EXOC6B: variants seen among roughly 807,000 people sequenced by gnomAD.
The protein encoded by EXOC6B is SEC15 homolog B.
A neutral mutation model predicts 113.5 loss-of-function variants in EXOC6B; 54 were observed. That is an observed-to-expected ratio of 0.48 (90% CI 0.38 to 0.60). The LOEUF (loss-of-function observed/expected upper bound fraction) is 0.60. Among genes scored for constraint, EXOC6B ranks in the 20% least tolerant of loss-of-function variants. The pLI is 0.00. For synonymous variants in EXOC6B, 357 were observed against 339.0 expected, an observed-to-expected ratio of 1.05 and a Z score of -0.58; for missense variants, 797 against 977.5, an observed-to-expected ratio of 0.82 and a Z score of 2.46.
At chr2:72,525,012 T>G (rs940264835) in intron 8 of EXOC6B, among the ~76,000 whole-genome samples, 1 of 152,184 alleles carries the variant, frequency 6.6e-6, no homozygotes, top group Non-Finnish European at 1.5e-5. Flanking sequence ...TTTTTAAGGT[T>G]CCCTTATAAC....
chr2:72,353,344 A>G (rs2104950738), intron 19 of EXOC6B, among the ~76,000 whole-genome samples: 1 of 151,646 alleles, frequency 6.6e-6, no homozygotes, highest in African/African-American at 2.4e-5. Context: ...AAAACTTTAT[A>G]TTTTGTTGTA....
At chr2:72,748,977 T>C (rs991076742) in intron 1 of EXOC6B, among the ~76,000 whole-genome samples, 2 of 152,090 alleles carry the variant, frequency 1.3e-5, no homozygotes, top group African/African-American at 4.8e-5. Flanking sequence ...GTCACACTAT[T>C]AGAACAAGTA....
intron 20 of EXOC6B, among the ~76,000 whole-genome samples, chr2:72,212,143 A>G (rs1402541697): frequency 6.6e-6 from 1 of 152,194 alleles, no homozygotes; most frequent in Non-Finnish European, 1.5e-5. Context: ...GGTCTGCCCT[A>G]GGCCTAGTTG....
chr2:72,432,946 G>C (rs187326471), intron 18 of EXOC6B, among the ~76,000 whole-genome samples: 1 of 152,208 alleles, frequency 6.6e-6, no homozygotes, highest in African/African-American at 2.4e-5. Flanking sequence ...GGCTTTCGTT[G>C]CAATTGCTTT....
intron 6 of EXOC6B, among the ~76,000 whole-genome samples, chr2:72,584,434 C>T (rs889218617): frequency 1.3e-5 from 2 of 152,116 alleles, no homozygotes; most frequent in East Asian, 3.8e-4. Context: ...TATATAATGA[C>T]GAAAAGTTCA....
chr2:72,558,253 A>T (rs1273400359), intron 8 of EXOC6B, among the ~76,000 whole-genome samples: 3 of 152,096 alleles, frequency 2.0e-5, no homozygotes, highest in African/African-American at 7.2e-5. Context: ...ACAGCAAGGA[A>T]TTGTAGATTG....
chr2:72,364,691 A>T (rs1371570184), intron 19 of EXOC6B, among the ~76,000 whole-genome samples: 2 of 151,890 alleles, frequency 1.3e-5, no homozygotes, highest in Non-Finnish European at 2.9e-5. Context: ...TATTATTCTT[A>T]CTCTTCAGTG....
chr2:72,273,950 G>A (rs1684661897), intron 20 of EXOC6B, among the ~76,000 whole-genome samples: 1 of 152,124 alleles, frequency 6.6e-6, no homozygotes, highest in Non-Finnish European at 1.5e-5. Flanking sequence ...TGATGTTAAT[G>A]TGGATATCTA....
At chr2:72,759,386 G>A (rs1682615075) in intron 1 of EXOC6B, among the ~76,000 whole-genome samples, 2 of 152,262 alleles carry the variant, frequency 1.3e-5, no homozygotes, top group South Asian at 4.1e-4. Context: ...AGTTTTGACA[G>A]TCATATCATG....
intron 6 of EXOC6B, among the ~76,000 whole-genome samples, chr2:72,609,427 A>G (rs1670934655): frequency 6.6e-6 from 1 of 152,020 alleles, no homozygotes; most frequent in African/African-American, 2.4e-5. Flanking sequence ...AGTACTGAAA[A>G]ACGTAATATC....
At chr2:72,499,265 C>T (rs1700200179) in intron 12 of EXOC6B, among the ~76,000 whole-genome samples, 1 of 150,562 alleles carries the variant, frequency 6.6e-6, no homozygotes, top group Non-Finnish European at 1.5e-5. Context: ...GAGTTTCACC[C>T]TGTCGCCCAG....
chr2:72,766,996 G>A (rs981975956), intron 1 of EXOC6B, among the ~76,000 whole-genome samples: 3 of 147,840 alleles, frequency 2.0e-5, no homozygotes, highest in African/African-American at 7.5e-5. Context: ...CCACATTGAA[G>A]CCCAAAGAGA....
At chr2:72,706,481 C>G (rs1282220629) in intron 6 of EXOC6B, among the ~76,000 whole-genome samples, 1 of 152,216 alleles carries the variant, frequency 6.6e-6, no homozygotes, top group Non-Finnish European at 1.5e-5. Flanking sequence ...AAGCGATCCT[C>G]CTGCCTCAGC....
intron 1 of EXOC6B, among the ~76,000 whole-genome samples, chr2:72,811,281 A>G (rs1191766795): frequency 6.6e-6 from 1 of 152,226 alleles, no homozygotes; most frequent in East Asian, 1.9e-4. Context: ...ACTGCACTCC[A>G]GCTGGGTGAC....
intron 17 of EXOC6B, among the ~76,000 whole-genome samples, chr2:72,476,219 G>C (rs1698730020): frequency 6.6e-6 from 1 of 152,196 alleles, no homozygotes; most frequent in African/African-American, 2.4e-5. Flanking sequence ...GGAAACCACT[G>C]AAAGTTTCTA....
At chr2:72,493,868 G>A (rs534086254) in intron 15 of EXOC6B, among the ~76,000 whole-genome samples, 18 of 152,058 alleles carry the variant, frequency 1.2e-4, no homozygotes, top group South Asian at 8.3e-4. Flanking sequence ...TGAATGCAGC[G>A]GTTTCTCTTG....
rs185978511 is a variant in EXOC6B, at chr2:72,454,947, A to G, written c.1980+10213T>C. ...ATGTTTTTTTATTTCAATGTACTCT[A>G]TGTAGCTCAAATAACGTAACTGTTA... On this transcript the variant is annotated intron_variant, in intron 18 of 21. Transcript: ENST00000272427. 5.3e-5 allele frequency among the ~76,000 whole-genome samples: 8 copies of G among 152,312 alleles called. No homozygotes were observed. In the East Asian group the frequency reaches 7.7e-4, roughly 15 times the overall value.
At chr2:72,419,232 A>C (rs1694717744) in intron 18 of EXOC6B, among the ~76,000 whole-genome samples, 1 of 152,234 alleles carries the variant, frequency 6.6e-6, no homozygotes, top group Non-Finnish European at 1.5e-5. Flanking sequence ...CAAAATGTGG[A>C]GTTACAAACC....
intron 6 of EXOC6B, among the ~76,000 whole-genome samples, chr2:72,625,702 T>C (rs1672010738): frequency 6.6e-6 from 1 of 152,254 alleles, no homozygotes; most frequent in Admixed American, 6.5e-5. Flanking sequence ...AAATGTAATG[T>C]ATTCTCTTGA....
Sources: allele counts gnomAD v4.1 joint callset (sites outside exome capture counted in the v4.1 genomes callset), GRCh38; gene constraint gnomAD v4.1.1; transcripts MANE v1.5; gene names NCBI Gene and HGNC (gene_info 2026-07-23, HGNC 2026-07-21).